The following VSIR variants were observed in gnomAD, a reference collection of about 807,000 sequenced individuals.
VSIR encodes the protein V-set immunoregulatory receptor, also known as V-type immunoglobulin domain-containing suppressor of T-cell activation.
A neutral mutation model predicts 31.0 loss-of-function variants in VSIR; 10 were observed. The observed-to-expected ratio is 0.32, with a 90% CI of 0.20 to 0.55. The LOEUF (loss-of-function observed/expected upper bound fraction) is 0.55. Ranked by LOEUF, VSIR falls within the 20% of genes least tolerant of loss-of-function variation. The pLI, the probability that VSIR is intolerant of heterozygous loss-of-function variation, is 0.93. For missense variants in VSIR, 356 were observed against 416.2 expected, an observed-to-expected ratio of 0.86 and a Z score of 1.26; for synonymous variants, 179 against 180.1, an observed-to-expected ratio of 0.99 and a Z score of 0.05.
intron 4 of VSIR, among the ~76,000 whole-genome samples, chr10:71,754,009 C>T (rs961354620): frequency 1.3e-5 from 2 of 152,224 alleles, no homozygotes; most frequent in East Asian, 3.8e-4. Context: ...GAAATCCACA[C>T]CTGTTGGCCT....
chr10:71,763,684 C>A (rs1295955606), intron 1 of VSIR, among the ~76,000 whole-genome samples: 4 of 152,234 alleles, frequency 2.6e-5, no homozygotes, highest in African/African-American at 9.6e-5. Flanking sequence ...ATCTCCCTGG[C>A]AGAGTTGAGG....
At chr10:71,759,936 T>C (rs199693881) in intron 3 of VSIR, among the ~76,000 whole-genome samples, 2,110 of 52,948 alleles carry the variant, frequency 0.04, 213 homozygotes, top group Non-Finnish European at 0.076. Flanking sequence ...CACACATATA[T>C]ACACACACAC....
At chr10:71,758,325 G>T (rs763898698) in intron 3 of VSIR, among the ~76,000 whole-genome samples, 6 of 152,148 alleles carry the variant, frequency 3.9e-5, no homozygotes, top group Non-Finnish European at 8.8e-5. Context: ...GGATGCCTTT[G>T]TATCTCCAGG....
At chr10:71,759,980 C>CAT (rs772299103) in intron 3 of VSIR, among the ~76,000 whole-genome samples, 1 of 85,338 alleles carries the variant, frequency 1.2e-5, no homozygotes, top group Non-Finnish European at 2.8e-5. Context: ...TACACACACA[C>CAT]ATATATATAC....
At chr10:71,766,345 G>A (rs1455815738) in intron 1 of VSIR, among the ~76,000 whole-genome samples, 1 of 152,174 alleles carries the variant, frequency 6.6e-6, no homozygotes, top group African/African-American at 2.4e-5. Context: ...CTGCTGTCAA[G>A]ACCCAGGCCC....
Position 71,772,424 on chromosome 10 carries a change from G to C in VSIR, c.82+934C>G, listed in dbSNP as rs545622274. On this transcript the variant is annotated intron_variant, in intron 1 of 6. Transcript: ENST00000394957. The stretch of plus-strand genomic sequence containing the variant: ...CTCCCTATAAAGTTTGGTTCCACAG[G>C]CTCTTTGAAGAGATCCAGCCTCTTC... 1.1e-4 allele frequency among the ~76,000 whole-genome samples: 16 copies of C among 152,306 alleles called. No homozygotes were observed. The East Asian group carries it at 2.9e-3, about 27-fold the overall frequency.
Position 71,750,874 on chromosome 10 carries a change from G to T in VSIR, c.*379C>A. 1 of 187,376 alleles carries T rather than the reference G, an allele frequency of 5.3e-6. No homozygotes were observed. Among genetic ancestry groups the T allele is most frequent in the South Asian group, 1.5e-4 (1 of 6,524 alleles). 11.6% of individuals were successfully genotyped at this position (187,376 alleles called of 1,614,324 possible). On this transcript the variant is annotated 3_prime_UTR_variant, in exon 7 of 7. Transcript: ENST00000394957. The stretch of plus-strand genomic sequence containing the variant: ...CCCTGTGTCTGGTGCCTGGGAGGGT[G>T]GCCCAGTGTCCATCTTGTCCCACTG...
intron 1 of VSIR, among the ~76,000 whole-genome samples, chr10:71,768,074 C>T (rs754696795): frequency 1.3e-5 from 2 of 152,244 alleles, no homozygotes; most frequent in African/African-American, 4.8e-5. Flanking sequence ...GCTGTGAAGA[C>T]GTCCTCAGGG....
chr10:71,763,447 T>A (rs1840449864), intron 1 of VSIR, among the ~76,000 whole-genome samples: 1 of 152,188 alleles, frequency 6.6e-6, no homozygotes, highest in South Asian at 2.1e-4. Context: ...AGAACCAATA[T>A]AATGCCACAT....
chr10:71,760,100 CACAT>C (rs1371236078), intron 3 of VSIR, among the ~76,000 whole-genome samples: 1 of 127,606 alleles, frequency 7.8e-6, no homozygotes, highest in Non-Finnish European at 1.7e-5. Flanking sequence ...TATACACACA[CACAT>C]ACATACATAT....
chr10:71,761,681 A>G lies in VSIR; in HGVS notation c.428T>C (p.Leu143Pro). 6.2e-7 allele frequency: 1 copy of G among 1,613,910 alleles called. No individual in the cohort carries two copies. The highest frequency in any genetic ancestry group is 2.2e-5 in the East Asian group (1 of 44,882). Residue 143 changes from leucine (L) to proline (P), a missense_variant, in exon 2 of 7, where the codon CTC (leucine) becomes CCC (proline). Leu to Pro is a moderately conservative substitution (Grantham distance 98, BLOSUM62 -3). Coordinates refer to ENST00000394957, the MANE Select transcript of VSIR (RefSeq NM_022153.2). Reference sequence around the variant, plus strand: ...GATCTCCACCACCAGGCAGCAGTAGAGGCCGCTATCCAGCAGGGTCAGGTT... The same window carrying G: ...GATCTCCACCACCAGGCAGCAGTAGGGGCCGCTATCCAGCAGGGTCAGGTT... ...MRNLTLLDSG[L>P]YCCLVVEIRH...
chr10:71,759,924 C>T (rs1840274978), intron 3 of VSIR, among the ~76,000 whole-genome samples: 1 of 88,064 alleles, frequency 1.1e-5, no homozygotes, highest in Non-Finnish European at 2.7e-5. Flanking sequence ...CATATATACA[C>T]ACACACATAT....
chr10:71,759,369 T>G (rs933575435), intron 3 of VSIR, among the ~76,000 whole-genome samples: 1 of 150,890 alleles, frequency 6.6e-6, no homozygotes, highest in Admixed American at 6.6e-5. Context: ...TCACCAGACA[T>G]GGTGATGCGT....
At chr10:71,769,331 A>G (rs1038332675) in intron 1 of VSIR, among the ~76,000 whole-genome samples, 2 of 152,066 alleles carry the variant, frequency 1.3e-5, no homozygotes, top group Non-Finnish European at 2.9e-5. Context: ...AAAGTTTCCA[A>G]CTAGAATTCA....
intron 1 of VSIR, among the ~76,000 whole-genome samples, chr10:71,769,428 G>A (rs906162996): frequency 6.6e-6 from 1 of 151,934 alleles, no homozygotes; most frequent in Non-Finnish European, 1.5e-5. Context: ...TAATGACAGC[G>A]ATAAAAAGTT....
At chr10:71,755,603 A>G in intron 3 of VSIR, 137 bp from the exon 4 acceptor site, 1 of 774,236 alleles carries the variant, frequency 1.3e-6, no homozygotes, top group Non-Finnish European at 2.1e-6. Flanking sequence ...GACCCCCAGC[A>G]ACCTACAGAG....
intron 1 of VSIR, among the ~76,000 whole-genome samples, chr10:71,767,992 C>T (rs574899844): frequency 1.3e-5 from 2 of 152,306 alleles, no homozygotes; most frequent in South Asian, 4.1e-4. Context: ...CCCAGACTCC[C>T]CAGGCCCTTT....
intron 4 of VSIR, among the ~76,000 whole-genome samples, 160 bp from the exon 5 acceptor site, chr10:71,753,162 CA>C (rs3833467): frequency 0.84 from 128,595 of 152,186 alleles, 54,896 homozygotes; most frequent in Non-Finnish European, 0.9. Context: ...TGCTGTCCAG[CA>C]AGCGATCTGC....
chr10:71,767,217 C>A (rs1840569402), intron 1 of VSIR, among the ~76,000 whole-genome samples: 1 of 152,222 alleles, frequency 6.6e-6, no homozygotes, highest in South Asian at 2.1e-4. Flanking sequence ...CCCAGCAGGC[C>A]CCGGGTGACC....
Sources: allele counts gnomAD v4.1 joint callset (sites outside exome capture counted in the v4.1 genomes callset), GRCh38; gene constraint gnomAD v4.1.1; transcripts MANE v1.5; gene names NCBI Gene and HGNC (gene_info 2026-07-23, HGNC 2026-07-21).